TNR: variants seen among roughly 807,000 people sequenced by gnomAD.
TNR encodes the protein tenascin-R.
TNR carries 45 observed loss-of-function variants against 150.4 expected under a neutral mutation model. The observed-to-expected ratio is 0.30, with a 90% CI of 0.24 to 0.38. TNR has a LOEUF of 0.38. Ranked by LOEUF, TNR falls within the 10% of genes least tolerant of loss-of-function variation. TNR has a pLI of 1.00. For synonymous variants in TNR, 687 were observed against 678.4 expected, an observed-to-expected ratio of 1.01 and a Z score of -0.20; for missense variants, 1,544 against 1,759.1, an observed-to-expected ratio of 0.88 and a Z score of 2.19.
chr1:175,664,097 C>G (rs1328524323), intron 1 of TNR, among the ~76,000 whole-genome samples: 2 of 152,224 alleles, frequency 1.3e-5, no homozygotes, highest in Non-Finnish European at 2.9e-5. Flanking sequence ...GGAGGCTAGG[C>G]TGCATGGCCA....
chr1:175,363,064 C>A (rs1213775749), intron 13 of TNR, among the ~76,000 whole-genome samples: 1 of 152,222 alleles, frequency 6.6e-6, no homozygotes, highest in Non-Finnish European at 1.5e-5. Flanking sequence ...ACAAGCTGGT[C>A]TTCTCTAAGA....
chr1:175,487,968 G>C (rs994986791), intron 2 of TNR, among the ~76,000 whole-genome samples: 2 of 152,160 alleles, frequency 1.3e-5, no homozygotes, highest in Non-Finnish European at 2.9e-5. Context: ...ATGGCTGTGA[G>C]TGTGCTCAGG....
intron 8 of TNR, among the ~76,000 whole-genome samples, chr1:175,384,742 A>G (rs1271973209): frequency 6.6e-6 from 1 of 152,184 alleles, no homozygotes; most frequent in Non-Finnish European, 1.5e-5. Context: ...TCTAAGTCCT[A>G]ACCTGGATAG....
chr1:175,442,305 C>T lies in TNR; in HGVS notation c.-63-35528G>A, dbSNP rs77108016. Among the ~76,000 whole-genome samples, 1,206 of 152,178 alleles carry T rather than the reference C, an allele frequency of 7.9e-3. 15 individuals are homozygous for T. The highest frequency in any genetic ancestry group is 0.028 in the African/African-American group (1,154 of 41,516). ...ACCAGTCTCATAAATTAGGACAAGA[C>T]GACCCCCCATCAGTTTGGCTCTGGA... On this transcript the variant is annotated intron_variant, in intron 2 of 22. Transcript: ENST00000367674.
chr1:175,439,313 G>A (rs1267258028), intron 2 of TNR, among the ~76,000 whole-genome samples: 2 of 152,052 alleles, frequency 1.3e-5, no homozygotes, highest in Non-Finnish European at 2.9e-5. Flanking sequence ...GGGAAAACTG[G>A]CTAGCCATAT....
chr1:175,503,531 G>A (rs754516945), intron 2 of TNR, among the ~76,000 whole-genome samples: 2 of 152,092 alleles, frequency 1.3e-5, no homozygotes, highest in Admixed American at 6.5e-5. Flanking sequence ...GACTGTCACC[G>A]GGAAACTGTA....
chr1:175,686,154 A>C (rs547592721), intron 1 of TNR, among the ~76,000 whole-genome samples: 1 of 152,326 alleles, frequency 6.6e-6, no homozygotes, highest in South Asian at 2.1e-4. Flanking sequence ...TTATTCATGT[A>C]TTCAAACAAC....
intron 1 of TNR, among the ~76,000 whole-genome samples, chr1:175,634,004 ATGATGATGACGATG>A: frequency 1.3e-5 from 1 of 79,750 alleles, no homozygotes; most frequent in Non-Finnish European, 2.3e-5. Context: ...GATGATGATG[ATGATGATGACGATG>A]ATGATGATGA....
intron 2 of TNR, among the ~76,000 whole-genome samples, chr1:175,485,446 C>T (rs894348546): frequency 1.3e-5 from 2 of 151,952 alleles, no homozygotes; most frequent in Admixed American, 6.5e-5. Context: ...AGGACATTGG[C>T]AAGGAGAAAG....
At position 175,665,373 on chromosome 1, in the gene TNR, T is replaced by C. The variant is rs1402926400; in HGVS notation, c.-165+77853A>G. ...CACAGCTCCCCGACTGGCTTCCAGG[T>C]GGTGACCTCAGGACTGCTGTGGTGC... On this transcript the variant is annotated intron_variant, in intron 1 of 22. Coordinates refer to ENST00000367674, the MANE Select transcript of TNR (RefSeq NM_003285.3). 2.6e-5 allele frequency among the ~76,000 whole-genome samples: 4 copies of C among 152,264 alleles called. 1 individual carries two copies. Among genetic ancestry groups the C allele is most frequent in the East Asian group, 3.9e-4 (2 of 5,188 alleles).
intron 2 of TNR, among the ~76,000 whole-genome samples, chr1:175,459,318 C>T (rs981416086): frequency 1.1e-4 from 16 of 152,304 alleles, no homozygotes; most frequent in African/African-American, 3.4e-4. Context: ...TCATCATTAC[C>T]TCCAAGATTA....
intron 2 of TNR, among the ~76,000 whole-genome samples, chr1:175,522,386 A>T (rs1226655250): frequency 6.6e-6 from 1 of 152,192 alleles, no homozygotes; most frequent in Non-Finnish European, 1.5e-5. Context: ...GACACAATGG[A>T]CTTTGGACAC....
chr1:175,734,977 A>G (rs1003110333), intron 1 of TNR, among the ~76,000 whole-genome samples: 13 of 152,326 alleles, frequency 8.5e-5, no homozygotes, highest in African/African-American at 3.1e-4. Flanking sequence ...AGTGAGTTTC[A>G]CCAGCATTAA....
chr1:175,439,032 T>C lies in TNR; in HGVS notation c.-63-32255A>G, dbSNP rs527752563. ...AGAATTGGAAAAAACTACTTTAAAG[T>C]TCATATGGAACAAAAAATGAGCCCT... On this transcript the variant is annotated intron_variant, in intron 2 of 22. Transcript: ENST00000367674. Among the ~76,000 whole-genome samples the C allele has an allele frequency of 5.3e-5, 8 of 152,304 alleles. No homozygotes were observed. The East Asian group carries it at 1.5e-3, about 29-fold the overall frequency.
chr1:175,567,244 C>A (rs1412799859), intron 1 of TNR, among the ~76,000 whole-genome samples: 2 of 152,136 alleles, frequency 1.3e-5, no homozygotes, highest in African/African-American at 4.8e-5. Flanking sequence ...AAAGAAGAGC[C>A]TGGGATGTAT....
In TNR at chr1:175,696,977, G is replaced by T. The variant is rs141330512; in HGVS notation, c.-165+46249C>A. Among the ~76,000 whole-genome samples the T allele has an allele frequency of 4.6e-3, 703 of 152,098 alleles. 2 individuals are homozygous for T. Among genetic ancestry groups the T allele is most frequent in the African/African-American group, 0.016 (663 of 41,490 alleles). ...AGTCAAACTATTTAGCTGCACTTGG[G>T]CTGGTTTGCCCTAGTTTACATTTGT... is the stretch of plus-strand genomic sequence containing the variant. On this transcript the variant is annotated intron_variant, in intron 1 of 22. Coordinates refer to ENST00000367674, the MANE Select transcript of TNR (RefSeq NM_003285.3).
chr1:175,701,219 C>T (rs575298445), intron 1 of TNR, among the ~76,000 whole-genome samples: 52 of 152,244 alleles, frequency 3.4e-4, no homozygotes, highest in African/African-American at 1.2e-3. Flanking sequence ...CTTCCCTAGA[C>T]GTACTCCCTC....
At chr1:175,606,078 TG>T (rs1340271271) in intron 1 of TNR, among the ~76,000 whole-genome samples, 1 of 152,230 alleles carries the variant, frequency 6.6e-6, no homozygotes, top group East Asian at 1.9e-4. Flanking sequence ...ATAATTTATT[TG>T]ATGTAGGCTG....
intron 1 of TNR, among the ~76,000 whole-genome samples, chr1:175,620,362 G>C (rs570523790): frequency 2.3e-4 from 35 of 152,332 alleles, no homozygotes; most frequent in African/African-American, 7.9e-4. Flanking sequence ...TAGGCAGAGA[G>C]AACTGGGTAG....
Sources: gnomAD v4.1 joint callset for allele counts (sites outside exome capture counted in the v4.1 genomes callset) on GRCh38, gnomAD v4.1.1 for gene constraint, MANE v1.5 for transcripts, NCBI Gene and HGNC (gene_info 2026-07-23, HGNC 2026-07-21) for gene names.